The following FGFR2 variants were observed in gnomAD, a reference collection of about 807,000 sequenced individuals.
FGFR2 encodes the protein BEK fibroblast growth factor receptor.
A neutral mutation model predicts 95.9 loss-of-function variants in FGFR2; 19 were observed. The observed-to-expected ratio is 0.20, with a 90% CI of 0.14 to 0.29. The LOEUF (loss-of-function observed/expected upper bound fraction) is 0.29, where lower values mean the gene tolerates loss of function less well. Among genes scored for constraint, FGFR2 ranks in the 10% least tolerant of loss-of-function variants. The probability of loss-of-function intolerance (pLI) is 1.00; values close to 1 mark genes in which losing one functional copy is unlikely to be tolerated. For missense variants in FGFR2, 707 were observed against 1,056.9 expected (o/e 0.67, Z 4.59); for synonymous variants, 392 against 393.3 (o/e 1.00, Z 0.04).
intron 6 of FGFR2, chr10:121,538,369 G>T: frequency 1.2e-6 from 1 of 802,428 alleles, no homozygotes; most frequent in Non-Finnish European, 2.3e-6. Context: ...GATGACGCTT[G>T]GGAACCATGA....
At position 121,593,987 on chromosome 10, in the gene FGFR2, G is replaced by A. The variant is rs921778496; in HGVS notation, c.-150-20C>T. On this transcript the variant is annotated intron_variant, in intron 1 of 17. Coordinates refer to ENST00000358487, the MANE Select transcript of FGFR2 (RefSeq NM_000141.5). ...CAGTCACTAAAGGAAAGAGATTGGC[G>A]AGTCAGGGAATCTTCCCCAATGCCA... 10 of 706,896 alleles carry A rather than the reference G, an allele frequency of 1.4e-5. No homozygotes were observed. The highest frequency in any genetic ancestry group is 1.8e-5 in the Non-Finnish European group (7 of 390,738). 43.8% of individuals were successfully genotyped at this position (706,896 alleles called of 1,614,324 possible).
At chr10:121,521,134 T>G (rs1362881631) in intron 6 of FGFR2, among the ~76,000 whole-genome samples, 1 of 152,254 alleles carries the variant, frequency 6.6e-6, no homozygotes, top group Non-Finnish European at 1.5e-5. Flanking sequence ...TGTTACTCTA[T>G]GCCAGTTACT....
At chr10:121,503,769 A>G (rs1847906546) in intron 10 of FGFR2, 21 bp downstream of exon 10, 2 of 1,613,950 alleles carry the variant, frequency 1.2e-6, no homozygotes, top group Non-Finnish European at 1.7e-6. Flanking sequence ...ATCCTGGGAC[A>G]TGGCCAAGAG....
intron 2 of FGFR2, among the ~76,000 whole-genome samples, chr10:121,591,716 G>A (rs976478939): frequency 6.6e-6 from 1 of 152,070 alleles, no homozygotes; most frequent in Non-Finnish European, 1.5e-5. Context: ...ATAGCTCATG[G>A]AAACTATAAA....
At chr10:121,590,203 G>A (rs896901301) in intron 2 of FGFR2, among the ~76,000 whole-genome samples, 2 of 152,140 alleles carry the variant, frequency 1.3e-5, no homozygotes, top group Non-Finnish European at 2.9e-5. Flanking sequence ...TGGAGGGTGG[G>A]AAAGTAATTA....
At chr10:121,502,168 T>C (rs929635982) in intron 10 of FGFR2, among the ~76,000 whole-genome samples, 10 of 152,230 alleles carry the variant, frequency 6.6e-5, no homozygotes, top group Admixed American at 5.9e-4. Context: ...TCTTAAAATA[T>C]GATCACAACT....
At chr10:121,530,391 C>G (rs113656631) in intron 6 of FGFR2, 2,837 of 152,354 alleles carry the variant, frequency 0.019, 95 homozygotes, top group African/African-American at 0.064. Flanking sequence ...GGGAGGCCTG[C>G]GCGGGCAGAT....
At chr10:121,594,978 C>A (rs551552570) in intron 1 of FGFR2, among the ~76,000 whole-genome samples, 1 of 152,236 alleles carries the variant, frequency 6.6e-6, no homozygotes, top group South Asian at 2.1e-4. Flanking sequence ...TCCAAGAAAG[C>A]TTAATATATT....
At chr10:121,544,443 TAAAAAA>T (rs753310814) in intron 5 of FGFR2, among the ~76,000 whole-genome samples, 2 of 106,238 alleles carry the variant, frequency 1.9e-5, no homozygotes, top group African/African-American at 3.4e-5. Flanking sequence ...AACTCCGTCT[TAAAAAA>T]AAAAAAAAAA....
chr10:121,547,727 A>C lies in FGFR2; in HGVS notation c.624+3563T>G, dbSNP rs192790550. 7.4e-4 allele frequency among the ~76,000 whole-genome samples: 112 copies of C among 152,258 alleles called. No individual in the cohort carries two copies. In the Middle Eastern group the frequency reaches 0.01, roughly 14 times the overall value. On this transcript the variant is annotated intron_variant, in intron 5 of 17. Transcript: ENST00000358487. Reference sequence around the variant, plus strand: ...TTTCTTTAAGTCTACGTAGGTAACGAAGAAAATATCAGAGAGAAAACCCAA... The same window carrying C: ...TTTCTTTAAGTCTACGTAGGTAACGCAGAAAATATCAGAGAGAAAACCCAA...
intron 2 of FGFR2, among the ~76,000 whole-genome samples, chr10:121,579,363 T>TG (rs1860463161): frequency 1.3e-5 from 2 of 152,242 alleles, no homozygotes; most frequent in African/African-American, 2.4e-5. Flanking sequence ...GTAACTGGCC[T>TG]GCAGATTGCT....
intron 12 of FGFR2, among the ~76,000 whole-genome samples, chr10:121,497,130 CAAAAAAAA>C (rs35537265): frequency 0.011 from 989 of 91,474 alleles, 11 homozygotes; most frequent in African/African-American, 0.036. Flanking sequence ...GACTTTGTCT[CAAAAAAAA>C]AAAAAAAAAA....
In FGFR2 at chr10:121,515,419, C is replaced by T. The variant is rs547065777; in HGVS notation, c.1085-100G>A. On this transcript the variant is annotated intron_variant, in intron 8 of 17. Transcript: ENST00000358487. ...CACAACCAAAGGAACCAAAAGGCGA[C>T]GACCATTCTCAAGGCAAGGTGGGCT... is the stretch of plus-strand genomic sequence containing the variant. 4.1e-5 allele frequency: 50 copies of T among 1,224,660 alleles called. 1 individual carries two copies. In the South Asian group the frequency reaches 4.9e-4, roughly 12 times the overall value. The allele number at this position is 1,224,660 out of a possible 1,614,324, so 75.9% of individuals were successfully genotyped here.
intron 4 of FGFR2, among the ~76,000 whole-genome samples, chr10:121,552,597 T>G (rs191480596): frequency 6.6e-6 from 1 of 152,334 alleles, no homozygotes; most frequent in East Asian, 1.9e-4. Flanking sequence ...GCTAAGAAGA[T>G]GCAGCTTCTC....
chr10:121,589,673 A>G (rs1463508818), intron 2 of FGFR2, among the ~76,000 whole-genome samples: 1 of 152,232 alleles, frequency 6.6e-6, no homozygotes, highest in African/African-American at 2.4e-5. Flanking sequence ...TCTATAAGTA[A>G]TATTAAACAT....
In FGFR2 at chr10:121,531,805, G is replaced by C. The variant is rs1402295648; in HGVS notation, c.748+6787C>G. ...ACCTCCAGAGAGGGCATCTGGCACA[G>C]AGTAGAGACCCTTAGGGGTTGTCTG... On this transcript the variant is annotated intron_variant, in intron 6 of 17. Transcript: ENST00000358487. The surrounding 1 kb of genome is among the most constrained non-coding windows in gnomAD (Gnocchi z 4.5). Among the ~76,000 whole-genome samples the C allele has an allele frequency of 1.3e-5, 2 of 152,136 alleles. No individual in the cohort carries two copies. Among genetic ancestry groups the C allele is most frequent in the Admixed American group, 1.3e-4 (2 of 15,272 alleles).
Position 121,564,585 on chromosome 10 carries a change from T to A in FGFR2, c.377-6A>T, listed in dbSNP as rs1447764550. 9.9e-6 allele frequency: 16 copies of A among 1,613,522 alleles called. No homozygotes were observed. Among genetic ancestry groups the A allele is most frequent in the African/African-American group, 1.3e-5 (1 of 74,930 alleles). ...ATCTCCGGATGAGATGGCATCTGTA[T>A]GCAAAAGAACATATTCCATGGATGT... On this transcript the variant is annotated splice_region_variant and splice_polypyrimidine_tract_variant and intron_variant, in intron 3 of 17. Transcript: ENST00000358487.
At chr10:121,576,952 T>C (rs1859870445) in intron 2 of FGFR2, among the ~76,000 whole-genome samples, 1 of 150,494 alleles carries the variant, frequency 6.6e-6, no homozygotes, top group Non-Finnish European at 1.5e-5. Context: ...CTGGCCAACA[T>C]GGGGAGACCC....
At chr10:121,488,785 A>T (rs1845762224) in intron 13 of FGFR2, among the ~76,000 whole-genome samples, 1 of 152,132 alleles carries the variant, frequency 6.6e-6, no homozygotes, top group Non-Finnish European at 1.5e-5. Flanking sequence ...TCTGTATCTG[A>T]TCATCCTAAA....
Sources: allele counts gnomAD v4.1 joint callset (sites outside exome capture counted in the v4.1 genomes callset), GRCh38; gene constraint gnomAD v4.1.1; non-coding constraint Gnocchi (gnomAD v3.1); transcripts MANE v1.5; gene names NCBI Gene and HGNC (gene_info 2026-07-23, HGNC 2026-07-21).